The following PTPN13 variants were observed in gnomAD, a reference collection of about 807,000 sequenced individuals.
The protein encoded by PTPN13 is tyrosine-protein phosphatase non-receptor type 13.
In PTPN13, 191 loss-of-function variants were observed where a neutral mutation model predicts 284.0. The ratio of observed to expected loss-of-function variants is 0.67; its 90% CI spans 0.60 to 0.76. The LOEUF (loss-of-function observed/expected upper bound fraction) is 0.76, where lower values mean the gene tolerates loss of function less well. Among genes scored for constraint, PTPN13 ranks in the 30% least tolerant of loss-of-function variants. The pLI is 0.00. For synonymous variants in PTPN13, 986 were observed against 1,022.3 expected (o/e 0.96, Z 0.68); for missense variants, 2,797 against 2,939.9 (o/e 0.95, Z 1.12).
intron 1 of PTPN13, among the ~76,000 whole-genome samples, chr4:86,609,878 A>G (rs1765110413): frequency 6.6e-6 from 1 of 152,194 alleles, no homozygotes; most frequent in Non-Finnish European, 1.5e-5. Context: ...TATTTCAGTT[A>G]TCTTATAGAG....
At chr4:86,644,733 A>G (rs1012132969) in intron 2 of PTPN13, among the ~76,000 whole-genome samples, 2 of 152,232 alleles carry the variant, frequency 1.3e-5, no homozygotes, top group Non-Finnish European at 2.9e-5. Context: ...ATCCAACAAT[A>G]TATAAAAATG....
chr4:86,655,275 C>T (rs560611426), intron 2 of PTPN13, among the ~76,000 whole-genome samples: 265 of 152,250 alleles, frequency 1.7e-3, no homozygotes, highest in Non-Finnish European at 2.2e-4. Flanking sequence ...TGAATTTGAT[C>T]CTGTCATTAT....
At chr4:86,771,588 A>G in intron 31 of PTPN13, 53 bp downstream of exon 31, 2 of 1,463,650 alleles carry the variant, frequency 1.4e-6, no homozygotes, top group South Asian at 2.8e-5. Context: ...TGTTAGTAGC[A>G]GTAGCAGCAA....
intron 47 of PTPN13, among the ~76,000 whole-genome samples, chr4:86,812,840 T>G (rs146096537): frequency 6.6e-6 from 1 of 152,062 alleles, no homozygotes; most frequent in Non-Finnish European, 1.5e-5. Context: ...CTGACTCACA[T>G]TTTAAAGGAC....
chr4:86,753,288 G>A (rs1450293016), intron 20 of PTPN13, among the ~76,000 whole-genome samples: 1 of 152,022 alleles, frequency 6.6e-6, no homozygotes, highest in Non-Finnish European at 1.5e-5. Flanking sequence ...GACACTAATT[G>A]GGAAGCTAAG....
rs768550545 is a variant in PTPN13, at chr4:86,722,329, G to A, written c.1503G>A (p.Leu501=). 1.7e-5 allele frequency: 27 copies of A among 1,613,652 alleles called. No homozygotes were observed. Among genetic ancestry groups the A allele is most frequent in the Non-Finnish European group, 2.1e-5 (25 of 1,179,792 alleles). The change falls in exon 10 of 48, where the codon TTG becomes TTA. Residue 501 remains leucine (L), a synonymous_variant. Coordinates refer to ENST00000411767, the MANE Select transcript of PTPN13 (RefSeq NM_080683.3). ...QAKMALRQSR[L]SLYPGDTIKA... ...AAATGGCCCTTAGACAGTCTCGGTT[G>A]AGCCTATATCCAGGAGACACAATCA...
Position 86,803,964 on chromosome 4 carries a change from A to G in PTPN13, c.6654+107A>G, listed in dbSNP as rs1744367026. On this transcript the variant is annotated intron_variant, in intron 43 of 47. Transcript: ENST00000411767. ...TTAGAAGAATTTTTGAAAATTTTCC[A>G]ACTCTAAAAGCACCACCTTATCATA... The G allele has an allele frequency of 6.3e-6, 8 of 1,267,634 alleles. No individual in the cohort carries two copies. In the South Asian group the frequency reaches 1.1e-4, roughly 17 times the overall value. 78.5% of individuals were successfully genotyped at this position (1,267,634 alleles called of 1,614,324 possible).
chr4:86,726,540 T>C (rs1253808531), intron 10 of PTPN13, among the ~76,000 whole-genome samples: 1 of 149,164 alleles, frequency 6.7e-6, no homozygotes, highest in Admixed American at 6.8e-5. Context: ...ATATCCCTTG[T>C]AAGTTGAATT....
chr4:86,722,389 A>C lies in PTPN13; in HGVS notation c.1563A>C (p.Leu521Phe). 6.2e-7 allele frequency: 1 copy of C among 1,613,842 alleles called. No homozygotes were observed. The highest frequency in any genetic ancestry group is 8.5e-7 in the Non-Finnish European group (1 of 1,179,808). Residue 521 changes from leucine (L) to phenylalanine (F), a missense_variant, in exon 10 of 48, where the codon TTA becomes TTC. By Grantham distance (22) the Leu-to-Phe change is conservative. Transcript: ENST00000411767. ...ASMLDITRDP[L>F]REIALETAMT... ...TGCTTGACATCACCAGGGATCCGTT[A>C]AGAGAAATTGCCCTAGAAACAGCCA...
chr4:86,804,535 A>G (rs369780509), intron 43 of PTPN13, among the ~76,000 whole-genome samples: 9 of 152,224 alleles, frequency 5.9e-5, no homozygotes, highest in Admixed American at 4.6e-4. Flanking sequence ...TCTCATCGCC[A>G]TGCTATGGAA....
At chr4:86,609,659 A>G (rs1277775252) in intron 1 of PTPN13, among the ~76,000 whole-genome samples, 1 of 152,024 alleles carries the variant, frequency 6.6e-6, no homozygotes, top group East Asian at 1.9e-4. Flanking sequence ...TTTTTTCCTC[A>G]GATTACCTCA....
chr4:86,763,171 A>T lies in PTPN13; in HGVS notation c.3998A>T (p.Asp1333Val), dbSNP rs1738904917. Reference protein sequence around the residue: ...MDEATYSSSQDHQTPKQESSS... With the variant: ...MDEATYSSSQVHQTPKQESSS... ...GAAGCCACTTACTCCAGCAGTCAGGATCATCAAACACCAAAACAGGCATAG... is the reference window on the plus strand; with the variant it reads ...GAAGCCACTTACTCCAGCAGTCAGGTTCATCAAACACCAAAACAGGCATAG... Residue 1333 changes from aspartate (D) to valine (V), a missense_variant, in exon 24 of 48, where the codon GAT becomes GTT. Asp to Val is a radical substitution (Grantham distance 152, BLOSUM62 -3). Transcript: ENST00000411767. 1 of 1,611,090 alleles carries T rather than the reference A, an allele frequency of 6.2e-7. No homozygotes were observed. Among genetic ancestry groups the T allele is most frequent in the Non-Finnish European group, 8.5e-7 (1 of 1,178,732 alleles).
At chr4:86,638,811 A>G (rs866367354) in intron 2 of PTPN13, among the ~76,000 whole-genome samples, 1 of 152,204 alleles carries the variant, frequency 6.6e-6, no homozygotes, top group Non-Finnish European at 1.5e-5. Flanking sequence ...AATGGCAACA[A>G]AAGCCAAAAT....
chr4:86,801,548 G>T (rs944850908), intron 42 of PTPN13, among the ~76,000 whole-genome samples: 1 of 152,130 alleles, frequency 6.6e-6, no homozygotes, highest in Non-Finnish European at 1.5e-5. Flanking sequence ...TCAAATTTGA[G>T]AACCTAAGAA....
At chr4:86,657,470 C>G (rs935129289) in intron 2 of PTPN13, among the ~76,000 whole-genome samples, 1 of 152,190 alleles carries the variant, frequency 6.6e-6, no homozygotes, top group African/African-American at 2.4e-5. Flanking sequence ...GCTCTCTTTT[C>G]TCTCTTTTCC....
intron 16 of PTPN13, among the ~76,000 whole-genome samples, chr4:86,742,413 C>T (rs1565462785): frequency 6.6e-6 from 1 of 152,166 alleles, no homozygotes; most frequent in Admixed American, 6.5e-5. Flanking sequence ...GACACCTGAA[C>T]ATTAAAGTTC....
chr4:86,654,953 A>G (rs1213023149), intron 2 of PTPN13, among the ~76,000 whole-genome samples: 1 of 152,202 alleles, frequency 6.6e-6, no homozygotes, highest in African/African-American at 2.4e-5. Flanking sequence ...TATTTAGGAC[A>G]GTTAACTCTT....
chr4:86,793,456 G>T (rs1460091493), intron 40 of PTPN13, among the ~76,000 whole-genome samples: 1 of 152,060 alleles, frequency 6.6e-6, no homozygotes, highest in African/African-American at 2.4e-5. Context: ...AAGACAGAAG[G>T]TTAACAGGGA....
At chr4:86,785,430 T>G in intron 39 of PTPN13, 62 bp downstream of exon 39, 5 of 1,421,816 alleles carry the variant, frequency 3.5e-6, no homozygotes, top group Non-Finnish European at 4.7e-6. Context: ...CTAGGGAGCA[T>G]TTTTTGAGTA....
Sources: gnomAD v4.1 joint callset for allele counts (sites outside exome capture counted in the v4.1 genomes callset) on GRCh38, gnomAD v4.1.1 for gene constraint, MANE v1.5 for transcripts, NCBI Gene and HGNC (gene_info 2026-07-23, HGNC 2026-07-21) for gene names.